TRAPPC9: variants seen among roughly 807,000 people sequenced by gnomAD.
The protein encoded by TRAPPC9 is trafficking protein particle complex subunit 9, also known as IKK2 binding protein.
A neutral mutation model predicts 124.0 loss-of-function variants in TRAPPC9; 83 were observed. That is an observed-to-expected ratio of 0.67 (90% CI 0.56 to 0.80). TRAPPC9 has a LOEUF of 0.80. Among genes scored for constraint, TRAPPC9 ranks in the 30% least tolerant of loss-of-function variants. TRAPPC9 has a pLI of 0.00. For synonymous variants in TRAPPC9, 638 were observed against 617.5 expected, an observed-to-expected ratio of 1.03 and a Z score of -0.49; for missense variants, 1,302 against 1,508.3, an observed-to-expected ratio of 0.86 and a Z score of 2.27.
At chr8:140,150,379 G>T (rs2061525834) in intron 17 of TRAPPC9, among the ~76,000 whole-genome samples, 1 of 152,118 alleles carries the variant, frequency 6.6e-6, no homozygotes, top group South Asian at 2.1e-4. Flanking sequence ...AACCCAGGAG[G>T]TAGAGGCTGC....
chr8:140,074,972 C>T (rs1843418242), intron 17 of TRAPPC9, among the ~76,000 whole-genome samples: 1 of 152,192 alleles, frequency 6.6e-6, no homozygotes, highest in Admixed American at 6.5e-5. Flanking sequence ...GATGAGGGGA[C>T]TGGAACCCAG....
intron 17 of TRAPPC9, among the ~76,000 whole-genome samples, chr8:140,101,018 T>G (rs975868792): frequency 6.6e-6 from 1 of 152,248 alleles, no homozygotes; most frequent in Non-Finnish European, 1.5e-5. Flanking sequence ...ATTAAGAAAT[T>G]TTCACCTTTT....
intron 17 of TRAPPC9, among the ~76,000 whole-genome samples, chr8:140,075,472 C>A (rs1190334912): frequency 6.6e-6 from 1 of 152,192 alleles, no homozygotes; most frequent in Non-Finnish European, 1.5e-5. Context: ...CTCCTCCAGC[C>A]TGCTTATCGC....
At chr8:139,756,595 T>C (rs1322662612) in intron 21 of TRAPPC9, among the ~76,000 whole-genome samples, 8 of 133,912 alleles carry the variant, frequency 6.0e-5, no homozygotes, top group African/African-American at 2.4e-4. Context: ...GGATGGGGTA[T>C]AAGGACAGCG....
At chr8:140,305,915 A>G (rs1284099839) in intron 10 of TRAPPC9, among the ~76,000 whole-genome samples, 1 of 152,262 alleles carries the variant, frequency 6.6e-6, no homozygotes, top group Non-Finnish European at 1.5e-5. Flanking sequence ...CTAACTGCAG[A>G]ATGCGGGATA....
intron 15 of TRAPPC9, among the ~76,000 whole-genome samples, chr8:140,258,837 A>G (rs1251023426): frequency 6.6e-6 from 1 of 152,192 alleles, no homozygotes; most frequent in African/African-American, 2.4e-5. Context: ...GTGTGTGCCA[A>G]CTTCTTTAAA....
At chr8:140,321,216 C>A (rs1425201958) in intron 9 of TRAPPC9, among the ~76,000 whole-genome samples, 2 of 152,192 alleles carry the variant, frequency 1.3e-5, no homozygotes, top group African/African-American at 4.8e-5. Context: ...TCTCATGGGG[C>A]TAGGAGAGCC....
At chr8:140,386,173 T>G (rs2068750719) in intron 7 of TRAPPC9, among the ~76,000 whole-genome samples, 1 of 152,112 alleles carries the variant, frequency 6.6e-6, no homozygotes, top group Non-Finnish European at 1.5e-5. Context: ...TATCTCAAAA[T>G]AATAAGAGCT....
chr8:140,449,955 A>G (rs979966658), intron 2 of TRAPPC9, among the ~76,000 whole-genome samples: 2 of 152,280 alleles, frequency 1.3e-5, no homozygotes, highest in African/African-American at 2.4e-5. Flanking sequence ...TAGTTGCCAC[A>G]TTTTTAAAAG....
At chr8:139,784,608 C>CATATATATATATAT (rs34583867) in intron 21 of TRAPPC9, among the ~76,000 whole-genome samples, 990 of 88,432 alleles carry the variant, frequency 0.011, 24 homozygotes, top group Non-Finnish European at 0.015. Context: ...AAAAGACTGA[C>CATATATATATATAT]ATATATATAT....
chr8:140,374,303 C>T (rs1472180467), intron 7 of TRAPPC9, among the ~76,000 whole-genome samples: 4 of 152,072 alleles, frequency 2.6e-5, no homozygotes, highest in Non-Finnish European at 4.4e-5. Context: ...GGCGCAGTGG[C>T]GCACACCTGT....
chr8:140,097,944 C>G lies in TRAPPC9; in HGVS notation c.2557-73865G>C, dbSNP rs2060485375. On this transcript the variant is annotated intron_variant, in intron 17 of 22. Coordinates refer to ENST00000438773, the MANE Select transcript of TRAPPC9 (RefSeq NM_001160372.4). This position sits in a 1 kb window ranked among gnomAD's most constrained non-coding sequence, Gnocchi z 4.2. Reference sequence around the variant, plus strand: ...CCGTCTGAAGGATAAGGATGCCCACCAACATACGCAGTCGCACCCTTGCCG... The same window carrying G: ...CCGTCTGAAGGATAAGGATGCCCACGAACATACGCAGTCGCACCCTTGCCG... The G allele has an allele frequency of 6.6e-6, 1 of 152,326 alleles. No individual in the cohort carries two copies. The highest frequency in any genetic ancestry group is 1.5e-5 in the Non-Finnish European group (1 of 68,128). The allele number at this position is 152,326 out of a possible 1,614,324, so 9.4% of individuals were successfully genotyped here. A position where few individuals can be genotyped will look rare whatever the true frequency, so the allele number is the denominator to read the frequency against.
chr8:140,435,321 C>T, intron 3 of TRAPPC9, 81 bp from the exon 4 acceptor site: 1 of 1,548,114 alleles, frequency 6.5e-7, no homozygotes, highest in Non-Finnish European at 8.8e-7. Flanking sequence ...AGTGACCCTT[C>T]ATTAGCTCAA....
At chr8:140,156,366 A>C (rs2130856522) in intron 17 of TRAPPC9, among the ~76,000 whole-genome samples, 1 of 152,398 alleles carries the variant, frequency 6.6e-6, no homozygotes, top group South Asian at 2.1e-4. Context: ...CTGAAAAGTG[A>C]AAATAATGAT....
rs368666913 is a variant in TRAPPC9, at chr8:140,450,989, G to A, written c.385C>T (p.Arg129Cys). The A allele has an allele frequency of 1.1e-5, 18 of 1,614,000 alleles. No homozygotes were observed. Among genetic ancestry groups the A allele is most frequent in the Non-Finnish European group, 1.3e-5 (15 of 1,180,034 alleles). ...GLQGEIVEQP[R>C]TDVAFYPNYE... The stretch of plus-strand genomic sequence containing the variant: ...TTGGGGTAGAAAGCCACGTCGGTGC[G>A]CGGCTGCTCCACGATCTCCCCCTGC... Residue 129 changes from arginine to cysteine, a missense_variant, in exon 2 of 23, where the codon CGC (arginine) becomes TGC (cysteine). By Grantham distance (180) the Arg-to-Cys change is radical. Transcript: ENST00000438773.
intron 17 of TRAPPC9, among the ~76,000 whole-genome samples, chr8:140,120,636 A>G (rs1002913331): frequency 9.2e-5 from 12 of 130,694 alleles, no homozygotes; most frequent in Non-Finnish European, 1.9e-4. Flanking sequence ...AACATCCAAC[A>G]TCCATCCATC....
intron 21 of TRAPPC9, among the ~76,000 whole-genome samples, chr8:139,865,488 A>G (rs1018507939): frequency 6.6e-5 from 10 of 152,224 alleles, no homozygotes; most frequent in African/African-American, 2.4e-4. Context: ...AGTGAGAAAG[A>G]GCCACCCCTG....
intron 21 of TRAPPC9, among the ~76,000 whole-genome samples, chr8:139,759,722 C>T (rs1403071642): frequency 2.0e-5 from 3 of 152,140 alleles, no homozygotes; most frequent in Non-Finnish European, 2.9e-5. Flanking sequence ...CCTGGGGGGA[C>T]ACAAACTCTA....
chr8:140,085,059 G>A (rs1844096251), intron 17 of TRAPPC9, among the ~76,000 whole-genome samples: 1 of 152,182 alleles, frequency 6.6e-6, no homozygotes, highest in Admixed American at 6.5e-5. Flanking sequence ...ACAGATTCAT[G>A]GAGAGTGGAG....
Sources: gnomAD v4.1 joint callset for allele counts (sites outside exome capture counted in the v4.1 genomes callset) on GRCh38, gnomAD v4.1.1 for gene constraint, Gnocchi (gnomAD v3.1) non-coding constraint, MANE v1.5 for transcripts, NCBI Gene and HGNC (gene_info 2026-07-23, HGNC 2026-07-21) for gene names.